OR14A16: variants seen among roughly 807,000 people sequenced by gnomAD.
OR14A16 encodes the protein olfactory receptor family 14 subfamily A member 16.
For synonymous variants in OR14A16, 135 were observed against 137.6 expected (o/e 0.98, Z 0.13); for missense variants, 341 against 366.5 (o/e 0.93, Z 0.57).
chr1:247,820,698 AC>A (rs746076766), intron 1 of OR14A16, among the ~76,000 whole-genome samples: 3 of 150,276 alleles, frequency 2.0e-5, no homozygotes, highest in African/African-American at 4.9e-5. Flanking sequence ...ACAAAAAAAA[AC>A]CCCAAAAACA....
At chr1:247,816,879 C>T (rs1025549662) in intron 2 of OR14A16, among the ~76,000 whole-genome samples, 15 of 151,462 alleles carry the variant, frequency 9.9e-5, no homozygotes, top group African/African-American at 3.4e-4. Flanking sequence ...TCTCTTTCAT[C>T]ATAGCCAAGT....
rs150693558 is a variant in OR14A16, at chr1:247,815,655, A to G, written c.75T>C (p.His25=). ...FSTNKNMCIL[H]SILFLLIYLC... is the part of the protein sequence containing the mutation. ...AATAAATCAACAAGAAGAGAATCGAATGCAAAATGCACATATTTTTATTGG... is the reference window on the plus strand; with the variant it reads ...AATAAATCAACAAGAAGAGAATCGAGTGCAAAATGCACATATTTTTATTGG... Residue 25 remains histidine, a synonymous_variant, in exon 3 of 3, where the codon CAT becomes CAC. Coordinates refer to ENST00000641093, the MANE Select transcript of OR14A16 (RefSeq NM_001001966.2). 5.6e-5 allele frequency: 90 copies of G among 1,611,032 alleles called. No individual in the cohort carries two copies. The highest frequency in any genetic ancestry group is 7.4e-5 in the Non-Finnish European group (87 of 1,177,356).
intron 2 of OR14A16, among the ~76,000 whole-genome samples, 195 bp downstream of exon 2, chr1:247,818,868 C>G (rs1662675666): frequency 6.6e-6 from 1 of 151,920 alleles, no homozygotes; most frequent in Non-Finnish European, 1.5e-5. Context: ...TGGAATGTTC[C>G]TAACACAAAT....
chr1:247,820,698 A>C (rs1558335863), intron 1 of OR14A16, among the ~76,000 whole-genome samples: 1 of 150,184 alleles, frequency 6.7e-6, no homozygotes, highest in African/African-American at 2.4e-5. Flanking sequence ...ACAAAAAAAA[A>C]CCCCAAAAAC....
intron 2 of OR14A16, among the ~76,000 whole-genome samples, chr1:247,816,660 C>T (rs1407299701): frequency 5.3e-5 from 8 of 149,988 alleles, no homozygotes; most frequent in Non-Finnish European, 1.0e-4. Context: ...ACCTGGGAGG[C>T]GGAGGCTGCA....
intron 1 of OR14A16, among the ~76,000 whole-genome samples, chr1:247,820,943 A>C (rs1036194383): frequency 6.6e-6 from 1 of 151,918 alleles, no homozygotes; most frequent in African/African-American, 2.4e-5. Flanking sequence ...ACTGCATCTC[A>C]TAAGTGTCAA....
chr1:247,821,134 G>A (rs1662729946), intron 1 of OR14A16, among the ~76,000 whole-genome samples: 1 of 152,174 alleles, frequency 6.6e-6, no homozygotes, highest in African/African-American at 2.4e-5. Context: ...TACTTGATAT[G>A]ATTTCATTCA....
intron 2 of OR14A16, among the ~76,000 whole-genome samples, chr1:247,817,717 A>G (rs960658239): frequency 7.9e-5 from 12 of 151,688 alleles, no homozygotes; most frequent in African/African-American, 2.9e-4. Flanking sequence ...TTTTTTTAAG[A>G]TTAGTCTTAA....
chr1:247,816,572 C>T (rs1479131601), intron 2 of OR14A16, among the ~76,000 whole-genome samples: 2 of 151,924 alleles, frequency 1.3e-5, no homozygotes, highest in African/African-American at 4.8e-5. Flanking sequence ...GCTAAAAATA[C>T]AAAAAATTAG....
At chr1:247,817,125 T>C (rs561860075) in intron 2 of OR14A16, among the ~76,000 whole-genome samples, 15 of 152,334 alleles carry the variant, frequency 9.8e-5, no homozygotes, top group African/African-American at 3.6e-4. Context: ...ATTGTATACA[T>C]TGACCTTAAT....
At chr1:247,818,313 T>C (rs1662665247) in intron 2 of OR14A16, among the ~76,000 whole-genome samples, 1 of 152,182 alleles carries the variant, frequency 6.6e-6, no homozygotes, top group East Asian at 1.9e-4. Context: ...ACAGCCACTA[T>C]GGACAACAGT....
intron 1 of OR14A16, among the ~76,000 whole-genome samples, chr1:247,820,338 G>A (rs1014467301): frequency 1.3e-5 from 2 of 152,140 alleles, no homozygotes; most frequent in Non-Finnish European, 2.9e-5. Context: ...ATTTACCCAT[G>A]AAGCCACCAG....
Position 247,814,874 on chromosome 1 carries a change from T to A in OR14A16, c.856A>T (p.Ile286Leu). The A allele has an allele frequency of 6.2e-7, 1 of 1,613,708 alleles. No individual in the cohort carries two copies. The highest frequency in any genetic ancestry group is 1.1e-5 in the South Asian group (1 of 90,998). ...ATGGCCTTGTTTCTCAAACTGTATA[T>A]AATGGGATTAAAGGTTGGGGGCAGC... ...TMLPPTFNPI[I>L]YSLRNKAIKV... The change falls in exon 3 of 3, where the codon ATA becomes TTA. Residue 286 changes from isoleucine (I) to leucine (L), a missense_variant. Coordinates refer to ENST00000641093, the MANE Select transcript of OR14A16 (RefSeq NM_001001966.2).
chr1:247,818,006 T>A (rs1000758912), intron 2 of OR14A16, among the ~76,000 whole-genome samples: 1 of 152,174 alleles, frequency 6.6e-6, no homozygotes, highest in African/African-American at 2.4e-5. Context: ...AAGCTAATAC[T>A]GCTACTTTGA....
intron 1 of OR14A16, among the ~76,000 whole-genome samples, chr1:247,820,105 C>G (rs12126764): frequency 0.15 from 22,156 of 152,110 alleles, 1,869 homozygotes; most frequent in Non-Finnish European, 0.19. Context: ...TTTTAATGTG[C>G]TGTTGAATTT....
intron 1 of OR14A16, among the ~76,000 whole-genome samples, chr1:247,823,498 C>A (rs567092874): frequency 7.2e-5 from 11 of 152,172 alleles, no homozygotes; most frequent in Middle Eastern, 6.8e-3. Flanking sequence ...AAGACCCTGC[C>A]TCTAAAATAT....
At chr1:247,817,679 A>G (rs1662652790) in intron 2 of OR14A16, among the ~76,000 whole-genome samples, 1 of 146,008 alleles carries the variant, frequency 6.8e-6, no homozygotes. Flanking sequence ...AAAGTATAGC[A>G]TGCCTTTTTA....
chr1:247,820,732 T>G (rs1662720320), intron 1 of OR14A16, among the ~76,000 whole-genome samples: 2 of 151,370 alleles, frequency 1.3e-5, no homozygotes, highest in Admixed American at 1.3e-4. Context: ...TGGTGGTGCA[T>G]GCCCGTAATC....
At chr1:247,820,153 G>A (rs922808277) in intron 1 of OR14A16, among the ~76,000 whole-genome samples, 1 of 152,146 alleles carries the variant, frequency 6.6e-6, no homozygotes, top group African/African-American at 2.4e-5. Flanking sequence ...TTGCATCTGT[G>A]TTTATCTGGA....
Sources: gnomAD v4.1 joint callset for allele counts (sites outside exome capture counted in the v4.1 genomes callset) on GRCh38, gnomAD v4.1.1 for gene constraint, MANE v1.5 for transcripts, NCBI Gene and HGNC (gene_info 2026-07-23, HGNC 2026-07-21) for gene names.